The following SLC10A7 variants were observed in gnomAD, a reference collection of about 807,000 sequenced individuals.
SLC10A7 encodes the protein sodium/bile acid cotransporter 7.
A neutral mutation model predicts 43.2 loss-of-function variants in SLC10A7; 29 were observed. The ratio of observed to expected loss-of-function variants is 0.67; its 90% CI spans 0.50 to 0.92. The LOEUF (loss-of-function observed/expected upper bound fraction) is 0.92. Among genes scored for constraint, SLC10A7 ranks in the 40% least tolerant of loss-of-function variants. SLC10A7 has a pLI of 0.00. For synonymous variants in SLC10A7, 152 were observed against 144.8 expected (o/e 1.05, Z -0.35); for missense variants, 295 against 403.2 (o/e 0.73, Z 2.30).
chr4:146,519,300 TATG>T (rs1738393201), intron 1 of SLC10A7, among the ~76,000 whole-genome samples: 2 of 144,156 alleles, frequency 1.4e-5, no homozygotes, highest in East Asian at 2.0e-4. Context: ...TAATATATAA[TATG>T]ATAATATATA....
chr4:146,447,190 G>A (rs1397242854), intron 4 of SLC10A7, among the ~76,000 whole-genome samples: 2 of 151,970 alleles, frequency 1.3e-5, no homozygotes, highest in Non-Finnish European at 2.9e-5. Context: ...AATGTTTTCC[G>A]AGATCAGATG....
chr4:146,424,387 A>G (rs1398713363), intron 5 of SLC10A7, among the ~76,000 whole-genome samples: 1 of 152,176 alleles, frequency 6.6e-6, no homozygotes, highest in Non-Finnish European at 1.5e-5. Flanking sequence ...AGGGCTGGGC[A>G]CGGTGGCTCA....
At chr4:146,502,547 A>G (rs1232328879) in intron 4 of SLC10A7, among the ~76,000 whole-genome samples, 1 of 146,506 alleles carries the variant, frequency 6.8e-6, no homozygotes, top group Admixed American at 7.0e-5. Context: ...AAACGGGGGT[A>G]TATTATATAT....
At chr4:146,273,938 C>T (rs1288625301) in intron 10 of SLC10A7, among the ~76,000 whole-genome samples, 4 of 152,126 alleles carry the variant, frequency 2.6e-5, no homozygotes, top group Admixed American at 6.6e-5. Context: ...GTGATTCCAT[C>T]TCCTGTTCTT....
intron 4 of SLC10A7, among the ~76,000 whole-genome samples, chr4:146,464,785 T>C (rs1251702459): frequency 6.6e-6 from 1 of 152,132 alleles, no homozygotes; most frequent in African/African-American, 2.4e-5. Context: ...AGAATGATTT[T>C]AGGTTGCAAG....
chr4:146,378,693 T>C, intron 5 of SLC10A7, among the ~76,000 whole-genome samples: 1 of 152,150 alleles, frequency 6.6e-6, no homozygotes, highest in East Asian at 1.9e-4. Context: ...CTCTGGAGAA[T>C]ATAGATTAAG....
At chr4:146,307,727 G>A (rs1368176718) in intron 6 of SLC10A7, among the ~76,000 whole-genome samples, 1 of 152,110 alleles carries the variant, frequency 6.6e-6, no homozygotes, top group Non-Finnish European at 1.5e-5. Flanking sequence ...GCAAAATTAA[G>A]CTATAATCTT....
At chr4:146,259,984 G>A (rs866658470) in intron 10 of SLC10A7, among the ~76,000 whole-genome samples, 27 of 152,280 alleles carry the variant, frequency 1.8e-4, no homozygotes, top group Middle Eastern at 3.4e-3. Context: ...GGAAGGCTTA[G>A]CTTTTTCAAT....
chr4:146,499,261 A>C (rs1736188874), intron 4 of SLC10A7, among the ~76,000 whole-genome samples: 1 of 152,208 alleles, frequency 6.6e-6, no homozygotes, highest in Non-Finnish European at 1.5e-5. Flanking sequence ...ATGCCACAGC[A>C]ATTCTATTGC....
At chr4:146,413,008 A>T (rs1008012204) in intron 5 of SLC10A7, among the ~76,000 whole-genome samples, 2 of 152,156 alleles carry the variant, frequency 1.3e-5, no homozygotes, top group African/African-American at 4.8e-5. Context: ...CAAATTTTTT[A>T]AAATTTCAAC....
intron 6 of SLC10A7, among the ~76,000 whole-genome samples, chr4:146,313,610 AT>A (rs557512943): frequency 5.3e-5 from 8 of 152,286 alleles, no homozygotes; most frequent in Admixed American, 2.0e-4. Flanking sequence ...ATGGAAACAA[AT>A]TATAAAAAAT....
intron 5 of SLC10A7, among the ~76,000 whole-genome samples, chr4:146,422,286 T>C (rs565791934): frequency 6.6e-6 from 1 of 152,274 alleles, no homozygotes; most frequent in South Asian, 2.1e-4. Flanking sequence ...TAATGTATAA[T>C]ATTTTAGGGG....
Position 146,256,431 on chromosome 4 carries a change from A to G in SLC10A7, c.*60T>C, listed in dbSNP as rs536272196. The G allele has an allele frequency of 1.2e-3, 1,771 of 1,528,304 alleles. 30 individuals are homozygous for G. In the South Asian group the frequency reaches 0.019, roughly 17 times the overall value. 94.7% of individuals were successfully genotyped at this position (1,528,304 alleles called of 1,614,324 possible). ...ACATTCACAAGTACAAGTCTTCAGA[A>G]TTGCTAGTATGTACAATCCTGTACA... On this transcript the variant is annotated 3_prime_UTR_variant, in exon 12 of 12. Coordinates refer to ENST00000335472, the MANE Select transcript of SLC10A7 (RefSeq NM_001029998.6).
chr4:146,291,011 C>T (rs1730410412), intron 9 of SLC10A7, among the ~76,000 whole-genome samples: 1 of 152,180 alleles, frequency 6.6e-6, no homozygotes, highest in Admixed American at 6.5e-5. Flanking sequence ...AATTTCAGTT[C>T]AACTAGGTGT....
At chr4:146,292,739 C>T (rs1353549945) in intron 9 of SLC10A7, among the ~76,000 whole-genome samples, 190 bp downstream of exon 9, 1 of 151,992 alleles carries the variant, frequency 6.6e-6, no homozygotes, top group Non-Finnish European at 1.5e-5. Flanking sequence ...CAAGATAAGG[C>T]CAAGGAAAGA....
At chr4:146,383,622 C>T (rs1460572133) in intron 5 of SLC10A7, among the ~76,000 whole-genome samples, 1 of 152,142 alleles carries the variant, frequency 6.6e-6, no homozygotes, top group African/African-American at 2.4e-5. Flanking sequence ...TCTTTCCTTG[C>T]TTTGTGTGTT....
intron 5 of SLC10A7, among the ~76,000 whole-genome samples, chr4:146,375,568 T>C (rs1386636820): frequency 1.3e-5 from 2 of 152,214 alleles, no homozygotes; most frequent in Non-Finnish European, 2.9e-5. Flanking sequence ...TCTTCTTTTT[T>C]GTTTTTGTTT....
chr4:146,413,038 T>C (rs1261654692), intron 5 of SLC10A7, among the ~76,000 whole-genome samples: 1 of 152,142 alleles, frequency 6.6e-6, no homozygotes, highest in Non-Finnish European at 1.5e-5. Flanking sequence ...TTAGAAGAGA[T>C]TCCAAAGGAC....
intron 5 of SLC10A7, among the ~76,000 whole-genome samples, chr4:146,343,296 T>C (rs1013912544): frequency 1.3e-4 from 20 of 152,044 alleles, no homozygotes; most frequent in African/African-American, 4.8e-4. Flanking sequence ...GCAAGGTGAA[T>C]GTGCAGATTG....
Sources: gnomAD v4.1 joint callset for allele counts (sites outside exome capture counted in the v4.1 genomes callset) on GRCh38, gnomAD v4.1.1 for gene constraint, MANE v1.5 for transcripts, NCBI Gene and HGNC (gene_info 2026-07-23, HGNC 2026-07-21) for gene names.